The following ANO4 variants were observed in gnomAD, a reference collection of about 807,000 sequenced individuals.
The protein encoded by ANO4 is anoctamin 4, also known as anoctamin-4.
In ANO4, 69 loss-of-function variants were observed where a neutral mutation model predicts 141.9. The ratio of observed to expected loss-of-function variants is 0.49; its 90% CI spans 0.40 to 0.59. The LOEUF is 0.59. Ranked by LOEUF, ANO4 falls within the 20% of genes least tolerant of loss-of-function variation. The probability of loss-of-function intolerance (pLI) is 0.00; values close to 1 mark genes in which losing one functional copy is unlikely to be tolerated. For missense variants in ANO4, 894 were observed against 1,162.2 expected (o/e 0.77, Z 3.36); for synonymous variants, 350 against 394.3 (o/e 0.89, Z 1.33).
intron 1 of ANO4, among the ~76,000 whole-genome samples, chr12:100,818,003 A>G (rs529033737): frequency 1.3e-5 from 2 of 151,868 alleles, no homozygotes; most frequent in Non-Finnish European, 2.9e-5. Context: ...ACTTTAATGA[A>G]TCATTTCATT....
At chr12:101,112,755 A>C (rs1022011901) in intron 24 of ANO4, among the ~76,000 whole-genome samples, 1 of 152,202 alleles carries the variant, frequency 6.6e-6, no homozygotes, top group African/African-American at 2.4e-5. Context: ...TAAATGGGCT[A>C]AGGTGTGGAT....
intron 2 of ANO4, 120 bp from the exon 3 acceptor site, chr12:100,922,106 G>T (rs777548179): frequency 1.7e-6 from 1 of 581,968 alleles, no homozygotes. Context: ...TAAGAAGGAG[G>T]ATCATTGGCA....
At chr12:100,720,232 C>G (rs1259294672) in intron 1 of ANO4, among the ~76,000 whole-genome samples, 4 of 152,012 alleles carry the variant, frequency 2.6e-5, no homozygotes, top group Admixed American at 2.0e-4. Flanking sequence ...ACAGACCTGG[C>G]CTGGACCTGT....
intron 15 of ANO4, among the ~76,000 whole-genome samples, chr12:101,080,696 A>G (rs911694726): frequency 9.9e-5 from 15 of 151,638 alleles, no homozygotes; most frequent in African/African-American, 2.7e-4. Flanking sequence ...GTGTGGTGGC[A>G]TGCAGCTGTG....
At chr12:100,884,068 T>C (rs906382487) in intron 1 of ANO4, among the ~76,000 whole-genome samples, 14 of 152,332 alleles carry the variant, frequency 9.2e-5, no homozygotes, top group African/African-American at 3.1e-4. Context: ...ATGGGTTCTA[T>C]GAATTAATCA....
intron 5 of ANO4, among the ~76,000 whole-genome samples, chr12:100,949,843 T>C (rs1045134212): frequency 1.3e-5 from 2 of 152,154 alleles, no homozygotes; most frequent in Middle Eastern, 3.2e-3. Flanking sequence ...AAGTTATAGA[T>C]CAATTCAGAG....
Position 100,815,111 on chromosome 12 carries a change from A to G in ANO4, c.-141+20084A>G, listed in dbSNP as rs547889886. On this transcript the variant is annotated intron_variant, in intron 1 of 27. Transcript: ENST00000392977. ...CAAGTGCATAAGTGATGGTGGGGGG[A>G]ATGGTTATCAGTTACCTAACTATTC... is the stretch of plus-strand genomic sequence containing the variant. Among the ~76,000 whole-genome samples the G allele has an allele frequency of 2.6e-5, 4 of 152,104 alleles. No individual in the cohort carries two copies. In the South Asian group the frequency reaches 8.3e-4, roughly 32 times the overall value.
At chr12:100,799,293 T>A (rs2034537668) in intron 1 of ANO4, among the ~76,000 whole-genome samples, 1 of 152,196 alleles carries the variant, frequency 6.6e-6, no homozygotes, top group African/African-American at 2.4e-5. Context: ...TGTAACTTCC[T>A]TTGACCCTGC....
At chr12:100,720,587 T>G (rs1419644022) in intron 1 of ANO4, among the ~76,000 whole-genome samples, 2 of 151,972 alleles carry the variant, frequency 1.3e-5, no homozygotes, top group African/African-American at 4.8e-5. Flanking sequence ...ATTTTTTGTG[T>G]GTGGACTCCT....
At chr12:100,768,209 G>A (rs771805938) in intron 3 of ANO4, among the ~76,000 whole-genome samples, 4 of 152,314 alleles carry the variant, frequency 2.6e-5, no homozygotes, top group Non-Finnish European at 4.4e-5. Context: ...GGTTTCACTG[G>A]TGCTAGGGTC....
At chr12:100,783,120 C>T (rs2033760266) in intron 3 of ANO4, among the ~76,000 whole-genome samples, 1 of 152,152 alleles carries the variant, frequency 6.6e-6, no homozygotes, top group African/African-American at 2.4e-5. Context: ...CTGTTATGGG[C>T]CATCCAGTGT....
At chr12:100,976,687 A>C (rs183553238) in intron 7 of ANO4, among the ~76,000 whole-genome samples, 2 of 152,316 alleles carry the variant, frequency 1.3e-5, no homozygotes, top group Admixed American at 6.5e-5. Flanking sequence ...TTTGGAAACC[A>C]TTGGTCTGTA....
At chr12:100,840,285 A>G (rs1514784) in intron 1 of ANO4, among the ~76,000 whole-genome samples, 104,675 of 151,990 alleles carry the variant, frequency 0.69, 36,144 homozygotes, top group Middle Eastern at 0.77. Context: ...TTGCACTACT[A>G]GATTGGTTCT....
chr12:100,894,559 C>T (rs1017275605), intron 1 of ANO4, among the ~76,000 whole-genome samples: 5 of 152,178 alleles, frequency 3.3e-5, no homozygotes, highest in African/African-American at 1.2e-4. Context: ...GGGAACATAC[C>T]TAAGCTAATG....
intron 3 of ANO4, among the ~76,000 whole-genome samples, chr12:100,933,720 A>G (rs1410773672): frequency 2.0e-5 from 3 of 152,218 alleles, no homozygotes; most frequent in African/African-American, 7.2e-5. Context: ...GAACTAATTT[A>G]CACTCCCACC....
intron 1 of ANO4, among the ~76,000 whole-genome samples, chr12:100,816,304 A>T (rs1215335763): frequency 2.0e-5 from 3 of 152,082 alleles, no homozygotes; most frequent in African/African-American, 7.2e-5. Context: ...GGCAAATGGC[A>T]TGAGAGAATA....
intron 26 of ANO4, among the ~76,000 whole-genome samples, chr12:101,123,933 G>T (rs561365926): frequency 1.3e-5 from 2 of 152,214 alleles, no homozygotes; most frequent in East Asian, 3.9e-4. Context: ...ATTTTTGGCT[G>T]CTTGTATATC....
chr12:100,791,650 A>G (rs1407848596), upstream of ANO4, among the ~76,000 whole-genome samples: 1 of 152,162 alleles, frequency 6.6e-6, no homozygotes, highest in Non-Finnish European at 1.5e-5. Flanking sequence ...ATTGTCTCAT[A>G]CATTTAGTCT....
chr12:100,927,481 A>G (rs1315695174), intron 3 of ANO4, among the ~76,000 whole-genome samples: 1 of 152,076 alleles, frequency 6.6e-6, no homozygotes, highest in African/African-American at 2.4e-5. Flanking sequence ...TTAATCACCA[A>G]AGTTTTCAAA....
Sources: allele counts gnomAD v4.1 joint callset (sites outside exome capture counted in the v4.1 genomes callset), GRCh38; gene constraint gnomAD v4.1.1; transcripts MANE v1.5; gene names NCBI Gene and HGNC (gene_info 2026-07-23, HGNC 2026-07-21).